Variants in HEXB observed in about 807,000 individuals in gnomAD.
HEXB encodes hexosaminidase subunit beta.
HEXB carries 51 observed loss-of-function variants against 71.2 expected under a neutral mutation model. The observed-to-expected ratio is 0.72, with a 90% CI of 0.57 to 0.90. HEXB has a LOEUF of 0.90. Ranked by LOEUF, HEXB falls within the 40% of genes least tolerant of loss-of-function variation. The pLI is 0.00. For synonymous variants in HEXB, 266 were observed against 249.3 expected (o/e 1.07, Z -0.63); for missense variants, 617 against 677.0 (o/e 0.91, Z 0.98).
intron 3 of HEXB, among the ~76,000 whole-genome samples, chr5:74,695,890 G>T (rs1749103399): frequency 6.7e-6 from 1 of 150,358 alleles, no homozygotes; most frequent in Non-Finnish European, 1.5e-5. Flanking sequence ...GCAGTGACTA[G>T]ATTTCTAGTC....
At chr5:74,697,781 G>A (rs1419557760) in intron 5 of HEXB, among the ~76,000 whole-genome samples, 1 of 149,796 alleles carries the variant, frequency 6.7e-6, no homozygotes, top group Admixed American at 6.6e-5. Context: ...CTTCTAGTTA[G>A]TGCCATTTAA....
At chr5:74,674,488 C>A (rs934322764) in intron 1 of HEXB, among the ~76,000 whole-genome samples, 1 of 151,754 alleles carries the variant, frequency 6.6e-6, no homozygotes, top group African/African-American at 2.4e-5. Context: ...CCTGTCGTCC[C>A]AGCTGCTCAG....
At position 74,685,618 on chromosome 5, in the gene HEXB, C is replaced by G. The variant is rs956709211; in HGVS notation, c.299+59C>G. 2.8e-5 allele frequency: 41 copies of G among 1,467,624 alleles called. 1 individual carries two copies. The Middle Eastern group carries it at 1.3e-3, about 46-fold the overall frequency. The allele number at this position is 1,467,624 out of a possible 1,614,324, so 90.9% of individuals were successfully genotyped here. The stretch of plus-strand genomic sequence containing the variant: ...GGGGGAGGGGAGAGGCGGACCACCC[C>G]GGAGCGCTGTGCAGACCCTCACCAC... On this transcript the variant is annotated intron_variant, in intron 1 of 13. Transcript: ENST00000261416.
At chr5:74,699,373 C>G (rs1401322868) in intron 5 of HEXB, among the ~76,000 whole-genome samples, 1 of 151,242 alleles carries the variant, frequency 6.6e-6, no homozygotes, top group Non-Finnish European at 1.5e-5. Flanking sequence ...CTCCTGAGTT[C>G]AAGCAATTCT....
chr5:74,708,534 T>C (rs1749460560), intron 6 of HEXB, among the ~76,000 whole-genome samples: 1 of 152,100 alleles, frequency 6.6e-6, no homozygotes, highest in African/African-American at 2.4e-5. Flanking sequence ...GTGTGTTGGA[T>C]TCAGGAAACC....
chr5:74,655,329 T>C (rs1400928690), intron 1 of HEXB, among the ~76,000 whole-genome samples: 2 of 149,556 alleles, frequency 1.3e-5, no homozygotes, highest in Non-Finnish European at 3.0e-5. Context: ...TTTTTTTTTT[T>C]TTTGAGACAG....
At chr5:74,677,302 C>T (rs1003147147) in intron 1 of HEXB, among the ~76,000 whole-genome samples, 9 of 152,122 alleles carry the variant, frequency 5.9e-5, no homozygotes, top group Non-Finnish European at 1.3e-4. Flanking sequence ...ATTTGCATGA[C>T]TAAGTTCCAA....
At chr5:74,648,864 C>T (rs1748050009) in intron 1 of HEXB, among the ~76,000 whole-genome samples, 1 of 152,098 alleles carries the variant, frequency 6.6e-6, no homozygotes, top group Non-Finnish European at 1.5e-5. Context: ...TTGTGCTAGT[C>T]ACCTAAGAAT....
upstream of HEXB, among the ~76,000 whole-genome samples, chr5:74,683,761 AG>A (rs1748782529): frequency 6.6e-6 from 1 of 151,708 alleles, no homozygotes; most frequent in Non-Finnish European, 1.5e-5. Context: ...AACATGCCAA[AG>A]TGCCACACTT....
chr5:74,656,903 C>T (rs974492611), intron 1 of HEXB, among the ~76,000 whole-genome samples: 4 of 152,198 alleles, frequency 2.6e-5, no homozygotes, highest in African/African-American at 7.2e-5. Flanking sequence ...TGAGCCACCA[C>T]GTCCAGCCTC....
chr5:74,664,969 A>T (rs1404688034), intron 1 of HEXB, among the ~76,000 whole-genome samples: 1 of 152,332 alleles, frequency 6.6e-6, no homozygotes, highest in East Asian at 1.9e-4. Flanking sequence ...GGGACAGTGC[A>T]TACTAAAACA....
intron 2 of HEXB, among the ~76,000 whole-genome samples, chr5:74,691,402 G>A (rs1287898702): frequency 1.3e-5 from 2 of 152,212 alleles, no homozygotes; most frequent in Non-Finnish European, 2.9e-5. Flanking sequence ...GTGAAGAACT[G>A]TCAATAAAAC....
intron 5 of HEXB, 91 bp from the exon 6 acceptor site, chr5:74,705,128 G>T: frequency 1.5e-5 from 11 of 713,090 alleles, no homozygotes; most frequent in Non-Finnish European, 2.8e-5. Flanking sequence ...AAAGGAAGCA[G>T]ACATATTGGA....
chr5:74,646,903 G>A (rs73113473), intron 1 of HEXB, among the ~76,000 whole-genome samples: 21,817 of 152,142 alleles, frequency 0.14, 1,863 homozygotes, highest in African/African-American at 0.23. Flanking sequence ...TTTAAAAAAC[G>A]AAGCTGCTGC....
chr5:74,701,500 A>T (rs184622444), intron 5 of HEXB, among the ~76,000 whole-genome samples: 153 of 152,260 alleles, frequency 1.0e-3, no homozygotes, highest in African/African-American at 3.5e-3. Context: ...AGTTATAATT[A>T]TTAAATACTA....
rs1208388979 is a variant in HEXB at position 74,710,219 on chromosome 5, C to A, written c.772-3287C>A. 2.0e-5 allele frequency among the ~76,000 whole-genome samples: 3 copies of A among 151,916 alleles called. No individual in the cohort carries two copies. The East Asian group carries it at 5.8e-4, about 29-fold the overall frequency. The stretch of plus-strand genomic sequence containing the variant: ...TTATCTCAATGGATGCAGAAAAGGC[C>A]TTTGACAAAATTCAACAACCCTTCA... On this transcript the variant is annotated intron_variant, in intron 6 of 13. Transcript: ENST00000261416.
intron 1 of HEXB, among the ~76,000 whole-genome samples, chr5:74,656,480 AAAAATAAAAT>A (rs369978790): frequency 0.017 from 2,408 of 145,688 alleles, 38 homozygotes; most frequent in Non-Finnish European, 0.021. Flanking sequence ...CTCTGTCTCA[AAAAATAAAAT>A]AAAATAAAAT....
chr5:74,700,259 C>T (rs1008439842), intron 5 of HEXB, among the ~76,000 whole-genome samples: 9 of 151,784 alleles, frequency 5.9e-5, no homozygotes, highest in Admixed American at 1.3e-4. Context: ...CTGCCCACCT[C>T]GGCCTCTCAG....
chr5:74,664,839 A>G (rs1748404780), intron 1 of HEXB, among the ~76,000 whole-genome samples: 1 of 152,218 alleles, frequency 6.6e-6, no homozygotes, highest in Admixed American at 6.5e-5. Flanking sequence ...GAGGATGAAT[A>G]TCTTTACTAT....
Sources: gnomAD v4.1 joint callset for allele counts (sites outside exome capture counted in the v4.1 genomes callset) on GRCh38, gnomAD v4.1.1 for gene constraint, MANE v1.5 for transcripts, NCBI Gene and HGNC (gene_info 2026-07-23, HGNC 2026-07-21) for gene names.